INO80: variants seen among roughly 807,000 people sequenced by gnomAD.
The protein encoded by INO80 is chromatin-remodeling ATPase INO80.
A neutral mutation model predicts 203.4 loss-of-function variants in INO80; 20 were observed. That is an observed-to-expected ratio of 0.10 (90% CI 0.07 to 0.14). The LOEUF is 0.14. Among genes scored for constraint, INO80 ranks in the 10% least tolerant of loss-of-function variants. The pLI is 1.00. For synonymous variants in INO80, 726 were observed against 685.2 expected, an observed-to-expected ratio of 1.06 and a Z score of -0.93; for missense variants, 1,419 against 1,914.4, an observed-to-expected ratio of 0.74 and a Z score of 4.83.
chr15:41,053,251 G>A (rs1047923265), intron 19 of INO80, among the ~76,000 whole-genome samples: 51 of 152,076 alleles, frequency 3.4e-4, no homozygotes, highest in Admixed American at 3.3e-3. Flanking sequence ...GACTACAGGC[G>A]CCTGCTGCCA....
chr15:40,997,635 A>G lies in INO80; in HGVS notation c.3498-34T>C, dbSNP rs183604864. ...AAGGGAGAGATATGTTAAAGGAAAA[A>G]CTGAAAAGAAAAAATGGCATGTATC... On this transcript the variant is annotated intron_variant, in intron 28 of 35. Coordinates refer to ENST00000648947, the MANE Select transcript of INO80 (RefSeq NM_017553.3). 3.5e-5 allele frequency: 51 copies of G among 1,441,052 alleles called. No homozygotes were observed. The Middle Eastern group carries it at 8.7e-4, about 25-fold the overall frequency. 89.3% of individuals were successfully genotyped at this position (1,441,052 alleles called of 1,614,324 possible). A position where few individuals can be genotyped will look rare whatever the true frequency, so the allele number is the denominator to read the frequency against.
chr15:41,105,672 TTGTTTA>T (rs1164373304), intron 1 of INO80, among the ~76,000 whole-genome samples: 4 of 152,212 alleles, frequency 2.6e-5, no homozygotes, highest in African/African-American at 9.6e-5. Flanking sequence ...ATTCAATCAT[TTGTTTA>T]TATCAATATA....
At chr15:41,107,119 TAC>T (rs1255907901) in intron 1 of INO80, among the ~76,000 whole-genome samples, 2 of 152,256 alleles carry the variant, frequency 1.3e-5, no homozygotes, top group African/African-American at 4.8e-5. Context: ...ACATTTGTGA[TAC>T]AGTTAGTTTC....
chr15:41,058,575 G>GCT, intron 16 of INO80, 64 bp downstream of exon 16: 1 of 1,030,486 alleles, frequency 9.7e-7, no homozygotes, highest in East Asian at 2.7e-5. Context: ...GTGTGCGTGT[G>GCT]TGTGTGTGTG....
chr15:41,084,184 A>G (rs550524159), intron 7 of INO80, among the ~76,000 whole-genome samples: 29 of 150,838 alleles, frequency 1.9e-4, no homozygotes, highest in African/African-American at 6.9e-4. Flanking sequence ...TTGGACTATA[A>G]TTGCAACTTC....
At chr15:40,988,065 G>A in intron 29 of INO80, 91 bp from the exon 30 acceptor site, 1 of 1,077,712 alleles carries the variant, frequency 9.3e-7, no homozygotes. Context: ...TGCGAGTTTG[G>A]CGTCAGTAGG....
chr15:41,095,702 A>G, intron 3 of INO80, 34 bp from the exon 4 acceptor site: 1 of 1,608,320 alleles, frequency 6.2e-7, no homozygotes. Context: ...AAAAAAATTA[A>G]AGGATGACTG....
At chr15:41,104,825 C>G (rs933597277) in intron 1 of INO80, among the ~76,000 whole-genome samples, 2 of 152,100 alleles carry the variant, frequency 1.3e-5, no homozygotes, top group African/African-American at 4.8e-5. Flanking sequence ...CAGGTGTGAG[C>G]CACCACACCC....
chr15:41,086,824 G>C (rs986491782), intron 6 of INO80, among the ~76,000 whole-genome samples: 1 of 152,064 alleles, frequency 6.6e-6, no homozygotes, highest in African/African-American at 2.4e-5. Flanking sequence ...AAGATCATCA[G>C]GAGGTGATCT....
intron 28 of INO80, among the ~76,000 whole-genome samples, chr15:41,003,597 T>A (rs2043996749): frequency 1.3e-5 from 2 of 152,172 alleles, no homozygotes; most frequent in South Asian, 4.1e-4. Context: ...CCCAAAGTGC[T>A]GGGATTACAG....
In INO80 at chr15:41,014,788, C is replaced by G. The variant is rs186727630; in HGVS notation, c.3402+1300G>C. 1.7e-4 allele frequency among the ~76,000 whole-genome samples: 26 copies of G among 152,292 alleles called. No individual in the cohort carries two copies. In the East Asian group the frequency reaches 5.0e-3, roughly 29 times the overall value. On this transcript the variant is annotated intron_variant, in intron 27 of 35. Coordinates refer to ENST00000648947, the MANE Select transcript of INO80 (RefSeq NM_017553.3). The stretch of plus-strand genomic sequence containing the variant: ...CAGATAAATTCATTGCAAAATTCAA[C>G]AAGCCAATCTTGGCTTCCAAAAAGC...
Position 41,020,992 on chromosome 15 carries a change from C to G in INO80, c.3182G>C (p.Trp1061Ser). 1 of 1,614,144 alleles carries G rather than the reference C, an allele frequency of 6.2e-7. No homozygotes were observed. The highest frequency in any genetic ancestry group is 8.5e-7 in the Non-Finnish European group (1 of 1,180,000). The change falls in exon 26 of 36, where the codon TGG (tryptophan) becomes TCG (serine). Residue 1061 changes from tryptophan to serine, a missense_variant. By Grantham distance (177) the Trp-to-Ser change is radical. Coordinates refer to ENST00000648947, the MANE Select transcript of INO80 (RefSeq NM_017553.3). ...GAAGAACTGTGATCGTCTATTTAGC[C>G]AGTCTGCAGCCAGTTCAGGGGCCCC... ...LNGAPELAADWLNRRSQFFPE... is the reference protein window; with the variant it reads ...LNGAPELAADSLNRRSQFFPE...
At chr15:40,985,230 G>A (rs528895525) in intron 32 of INO80, 108 bp downstream of exon 32, 2 of 771,054 alleles carry the variant, frequency 2.6e-6, no homozygotes, top group Admixed American at 4.0e-5. Context: ...CACAGCTGGA[G>A]CTTGATAGCA....
chr15:41,063,560 G>A (rs1333479023), intron 14 of INO80, among the ~76,000 whole-genome samples: 6 of 152,062 alleles, frequency 3.9e-5, no homozygotes, highest in Non-Finnish European at 5.9e-5. Context: ...GATCACTTGA[G>A]GTCAGGAGTT....
intron 1 of INO80, among the ~76,000 whole-genome samples, chr15:41,102,717 G>A (rs2045827801): frequency 6.6e-6 from 1 of 152,136 alleles, no homozygotes. Flanking sequence ...TAAAAAAGGA[G>A]AGTTGGGTCT....
chr15:41,020,848 G>A lies in INO80; in HGVS notation c.3274+52C>T, dbSNP rs2044283116. The A allele has an allele frequency of 5.2e-6, 6 of 1,149,864 alleles. No homozygotes were observed. In the South Asian group the frequency reaches 6.6e-5, roughly 13 times the overall value. The allele number at this position is 1,149,864 out of a possible 1,614,324, so 71.2% of individuals were successfully genotyped here. A position where few individuals can be genotyped will look rare whatever the true frequency, so the allele number is the denominator to read the frequency against. On this transcript the variant is annotated intron_variant, in intron 26 of 35. Transcript: ENST00000648947. Reference sequence around the variant, plus strand: ...AAAGGACCACATGAAGATAACCCTGGTTCTCCCCTTGCCAAAGCGAGGAAC... The same window carrying A: ...AAAGGACCACATGAAGATAACCCTGATTCTCCCCTTGCCAAAGCGAGGAAC...
chr15:41,094,226 A>G (rs1488090834), intron 4 of INO80, among the ~76,000 whole-genome samples: 7 of 152,048 alleles, frequency 4.6e-5, no homozygotes, highest in Admixed American at 2.6e-4. Context: ...TAAAACACGA[A>G]CTCCTTAACA....
In INO80 at chr15:41,088,087, C is replaced by CTTTTTTTT. The variant is rs943111352; in HGVS notation, c.538-413_538-406dup. On this transcript the variant is annotated intron_variant, in intron 5 of 35. Transcript: ENST00000648947. ...ACTAAGGTTCCTCATGCTTGCTTTT[C>CTTTTTTTT]TTTTTTTTTTTTTTTTTTTTTTGAG... Among the ~76,000 whole-genome samples the CTTTTTTTT allele has an allele frequency of 6.5e-4, 66 of 101,042 alleles. 1 individual carries two copies. Among genetic ancestry groups the CTTTTTTTT allele is most frequent in the African/African-American group, 2.3e-3 (57 of 25,304 alleles). 66.3% of individuals were successfully genotyped at this position (101,042 alleles called of 152,430 possible). A position where few individuals can be genotyped will look rare whatever the true frequency, so the allele number is the denominator to read the frequency against.
chr15:41,081,497 T>C (rs1310758280), intron 7 of INO80, among the ~76,000 whole-genome samples: 1 of 152,174 alleles, frequency 6.6e-6, no homozygotes, highest in Non-Finnish European at 1.5e-5. Context: ...CTAAGTGTGA[T>C]TCTAGCCCCA....
Sources: allele counts gnomAD v4.1 joint callset (sites outside exome capture counted in the v4.1 genomes callset), GRCh38; gene constraint gnomAD v4.1.1; transcripts MANE v1.5; gene names NCBI Gene and HGNC (gene_info 2026-07-23, HGNC 2026-07-21).